TJP1: variants seen among roughly 807,000 people sequenced by gnomAD.
TJP1 encodes tight junction protein ZO-1.
In TJP1, 43 loss-of-function variants were observed where a neutral mutation model predicts 194.2. That is an observed-to-expected ratio of 0.22 (90% confidence interval 0.17 to 0.29). The LOEUF (loss-of-function observed/expected upper bound fraction) is 0.29, where lower values mean the gene tolerates loss of function less well. Among genes scored for constraint, TJP1 ranks in the 10% least tolerant of loss-of-function variants. TJP1 has a pLI of 1.00. For missense variants in TJP1, 1,971 were observed against 2,185.7 expected, an observed-to-expected ratio of 0.90 and a Z score of 1.96; for synonymous variants, 801 against 779.0, an observed-to-expected ratio of 1.03 and a Z score of -0.47.
At chr15:29,845,117 A>C (rs2152072767) in intron 2 of TJP1, among the ~76,000 whole-genome samples, 1 of 152,346 alleles carries the variant, frequency 6.6e-6, no homozygotes, top group South Asian at 2.1e-4. Context: ...CAAGCCCTCA[A>C]ACAAAGTATG....
intron 2 of TJP1, among the ~76,000 whole-genome samples, chr15:29,878,921 G>C (rs1262182425): frequency 6.6e-6 from 1 of 152,032 alleles, no homozygotes; most frequent in African/African-American, 2.4e-5. Context: ...TCAAGAGATC[G>C]AGACTGTGCT....
In TJP1 at chr15:29,772,182, C is replaced by A. The variant is rs773181513; in HGVS notation, c.210-16G>T. Reference sequence around the variant, plus strand: ...GTCATTTTCCCTAAGGGGAAAAGGGCACAAAATAATATGTTAGAGAAAAAC... The same window carrying A: ...GTCATTTTCCCTAAGGGGAAAAGGGAACAAAATAATATGTTAGAGAAAAAC... On this transcript the variant is annotated splice_polypyrimidine_tract_variant and intron_variant, in intron 3 of 27. Transcript: ENST00000614355. 1 of 1,488,174 alleles carries A rather than the reference C, an allele frequency of 6.7e-7. No homozygotes were observed. The highest frequency in any genetic ancestry group is 9.2e-7 in the Non-Finnish European group (1 of 1,082,156). 92.2% of individuals were successfully genotyped at this position (1,488,174 alleles called of 1,614,324 possible).
chr15:29,920,340 C>G (rs1234554481), intron 2 of TJP1, among the ~76,000 whole-genome samples: 1 of 152,142 alleles, frequency 6.6e-6, no homozygotes, highest in Admixed American at 6.6e-5. Flanking sequence ...AAGGCTACTC[C>G]TCTTGAGACT....
intron 15 of TJP1, among the ~76,000 whole-genome samples, chr15:29,731,657 G>C (rs552467728): frequency 2.7e-3 from 418 of 152,262 alleles, no homozygotes; most frequent in Admixed American, 5.5e-3. Flanking sequence ...GGGTTTTATA[G>C]TGGCTTTCTG....
intron 2 of TJP1, among the ~76,000 whole-genome samples, chr15:29,916,137 C>G (rs1044331205): frequency 1.3e-5 from 2 of 150,564 alleles, no homozygotes; most frequent in African/African-American, 4.9e-5. Context: ...CCCAGTTACT[C>G]GGGAGGCTGA....
At chr15:29,749,283 A>G (rs868653908) in intron 8 of TJP1, among the ~76,000 whole-genome samples, 37 of 152,038 alleles carry the variant, frequency 2.4e-4, no homozygotes, top group South Asian at 6.2e-4. Flanking sequence ...TCTGAGAGAG[A>G]TTTTATAGGT....
At chr15:29,931,065 C>T (rs1522642) in intron 2 of TJP1, among the ~76,000 whole-genome samples, 41,297 of 151,968 alleles carry the variant, frequency 0.27, 6,446 homozygotes, top group Non-Finnish European at 0.36. Flanking sequence ...TTACCAATAA[C>T]GTAAATAGTC....
intron 2 of TJP1, among the ~76,000 whole-genome samples, chr15:29,954,492 T>C (rs2055867665): frequency 1.3e-5 from 2 of 152,228 alleles, no homozygotes; most frequent in Admixed American, 1.3e-4. Context: ...AATTTGTTTC[T>C]TGATTAATTC....
chr15:29,968,480 CGCTCGGCCCTGG>C, intron 1 of TJP1: 1 of 921,960 alleles, frequency 1.1e-6, no homozygotes, highest in African/African-American at 1.8e-5. Context: ...TACAAGGCGG[CGCTCGGCCCTGG>C]GCTCGGCCTT....
rs751410981 is a variant in TJP1, at chr15:29,704,334, A to G, written c.5069-29T>C. On this transcript the variant is annotated intron_variant, in intron 26 of 27. Coordinates refer to ENST00000614355, the MANE Select transcript of TJP1 (RefSeq NM_001330239.4). ...GAGTTGGAAAAGGGGATAGGCAGAG[A>G]GGATGGATGTGGTCTTTCTTCTAGA... 14 of 1,560,550 alleles carry G rather than the reference A, an allele frequency of 9.0e-6. No individual in the cohort carries two copies. The South Asian group carries it at 1.5e-4, about 17-fold the overall frequency.
intron 2 of TJP1, among the ~76,000 whole-genome samples, chr15:29,890,414 A>G (rs1596193239): frequency 1.3e-5 from 2 of 152,332 alleles, no homozygotes; most frequent in South Asian, 4.1e-4. Context: ...GAGCATTTCA[A>G]CAACTTCAAG....
chr15:29,855,405 C>T lies in TJP1; in HGVS notation c.307-54703G>A, dbSNP rs375904633. ...ATGAAAATCTAGTGAGATCACAACACAAACAATAGATAAATGTTTGAAGTT... is the reference window on the plus strand; with the variant it reads ...ATGAAAATCTAGTGAGATCACAACATAAACAATAGATAAATGTTTGAAGTT... On this transcript the variant is annotated intron_variant, in intron 2 of 28. Coordinates refer to the TJP1 transcript ENST00000356107. Among the ~76,000 whole-genome samples, 255 of 152,202 alleles carry T rather than the reference C, an allele frequency of 1.7e-3. 1 individual carries two copies. The South Asian group carries it at 0.022, about 13-fold the overall frequency.
intron 2 of TJP1, among the ~76,000 whole-genome samples, chr15:29,865,904 C>A (rs141862504): frequency 6.6e-6 from 1 of 152,260 alleles, no homozygotes; most frequent in Non-Finnish European, 1.5e-5. Context: ...TTATTGAGAT[C>A]AATTCAAATC....
intron 2 of TJP1, among the ~76,000 whole-genome samples, chr15:29,910,665 T>G (rs1440069666): frequency 6.6e-6 from 1 of 152,230 alleles, no homozygotes; most frequent in Non-Finnish European, 1.5e-5. Flanking sequence ...GTGATAAAAA[T>G]GCACTCATAA....
chr15:29,891,910 G>A (rs2053322740), intron 2 of TJP1, among the ~76,000 whole-genome samples: 1 of 152,206 alleles, frequency 6.6e-6, no homozygotes, highest in Non-Finnish European at 1.5e-5. Flanking sequence ...AAATGTTCAA[G>A]TAAAAGGTCT....
chr15:29,773,177 C>A lies in TJP1; in HGVS notation c.209+56G>T, dbSNP rs187247258. 1.6e-5 allele frequency: 26 copies of A among 1,601,262 alleles called. No individual in the cohort carries two copies. In the Admixed American group the frequency reaches 3.9e-4, roughly 24 times the overall value. On this transcript the variant is annotated intron_variant, in intron 3 of 27. Transcript: ENST00000614355. ...GACAGTGTAAGACAGTACGCCAGTGCCTGAGGAGAGGAACACTGCTTGTTG... is the reference window on the plus strand; with the variant it reads ...GACAGTGTAAGACAGTACGCCAGTGACTGAGGAGAGGAACACTGCTTGTTG...
chr15:29,834,263 C>T (rs1047129954), intron 2 of TJP1, among the ~76,000 whole-genome samples: 5 of 150,094 alleles, frequency 3.3e-5, no homozygotes, highest in African/African-American at 1.2e-4. Context: ...CACTCTTTTG[C>T]CAGGCTGGAG....
chr15:29,919,571 G>A (rs893390021), intron 2 of TJP1, among the ~76,000 whole-genome samples: 4 of 152,194 alleles, frequency 2.6e-5, no homozygotes, highest in Non-Finnish European at 5.9e-5. Flanking sequence ...GCAGGGAAAA[G>A]GGATAGGGTG....
chr15:29,822,526 C>A, upstream of TJP1: 1 of 968,812 alleles, frequency 1.0e-6, no homozygotes, highest in Non-Finnish European at 1.2e-6. Context: ...CGGGGCTGGA[C>A]GAGGCGAGGC....
Sources: gnomAD v4.1 joint callset for allele counts (sites outside exome capture counted in the v4.1 genomes callset) on GRCh38, gnomAD v4.1.1 for gene constraint, MANE v1.5 for transcripts, NCBI Gene and HGNC (gene_info 2026-07-23, HGNC 2026-07-21) for gene names.